The following TGFB2 variants were observed in gnomAD, a reference collection of about 807,000 sequenced individuals.
The protein encoded by TGFB2 is transforming growth factor beta-2 proprotein.
Under a neutral mutation model 42.7 loss-of-function variants are expected in TGFB2, and 13 were observed. That is an observed-to-expected ratio of 0.30 (90% CI 0.20 to 0.48). The LOEUF is 0.48. Ranked by LOEUF, TGFB2 falls within the 20% of genes least tolerant of loss-of-function variation. The pLI, the probability that TGFB2 is intolerant of heterozygous loss-of-function variation, is 0.99. For synonymous variants in TGFB2, 193 were observed against 193.6 expected (o/e 1.00, Z 0.03); for missense variants, 390 against 517.5 (o/e 0.75, Z 2.39).
chr1:218,394,576 G>A (rs918221108), intron 1 of TGFB2, among the ~76,000 whole-genome samples: 1 of 152,006 alleles, frequency 6.6e-6, no homozygotes, highest in Non-Finnish European at 1.5e-5. Context: ...AGCTGATGCC[G>A]ACACAATTAG....
At chr1:218,363,392 G>A (rs764845790) in intron 1 of TGFB2, 3 of 1,613,834 alleles carry the variant, frequency 1.9e-6, no homozygotes, top group South Asian at 2.2e-5. Context: ...GCTCCAGACA[G>A]TCCCAGGTGC....
intron 1 of TGFB2, among the ~76,000 whole-genome samples, chr1:218,360,027 T>C (rs1657159888): frequency 1.3e-5 from 2 of 152,180 alleles, no homozygotes; most frequent in Admixed American, 1.3e-4. Context: ...CTTGCTAACC[T>C]GTAAGGCATA....
At chr1:218,363,126 G>C (rs930165142) in intron 1 of TGFB2, among the ~76,000 whole-genome samples, 1 of 152,154 alleles carries the variant, frequency 6.6e-6, no homozygotes, top group Admixed American at 6.5e-5. Context: ...GCTGGTTAAG[G>C]GATGCCAGAA....
At chr1:218,436,320 A>T (rs1659971021) in intron 5 of TGFB2, among the ~76,000 whole-genome samples, 173 bp downstream of exon 5, 1 of 152,218 alleles carries the variant, frequency 6.6e-6, no homozygotes, top group Admixed American at 6.5e-5. Context: ...TATATTCATC[A>T]GGTCTTTAGC....
At chr1:218,371,704 G>C (rs1480247626) in intron 1 of TGFB2, among the ~76,000 whole-genome samples, 1 of 152,214 alleles carries the variant, frequency 6.6e-6, no homozygotes, top group Non-Finnish European at 1.5e-5. Flanking sequence ...GTCTGGCAGT[G>C]TCTGATAGAT....
chr1:218,404,249 A>G (rs1331659253), intron 1 of TGFB2, among the ~76,000 whole-genome samples: 2 of 152,038 alleles, frequency 1.3e-5, no homozygotes, highest in Admixed American at 1.3e-4. Flanking sequence ...AGTAGATGGG[A>G]TTACAGGTGC....
chr1:218,408,555 A>G (rs1658990198), intron 2 of TGFB2, among the ~76,000 whole-genome samples: 1 of 152,090 alleles, frequency 6.6e-6, no homozygotes, highest in African/African-American at 2.4e-5. Flanking sequence ...CAGCTATACA[A>G]CTCCTGAAGC....
At chr1:218,386,777 C>A (rs1658151403) in intron 1 of TGFB2, among the ~76,000 whole-genome samples, 1 of 152,196 alleles carries the variant, frequency 6.6e-6, no homozygotes, top group African/African-American at 2.4e-5. Context: ...AGTAGGTGCA[C>A]CCTTTCCTCT....
intron 1 of TGFB2, among the ~76,000 whole-genome samples, chr1:218,362,114 C>A (rs1657231080): frequency 1.3e-5 from 2 of 152,112 alleles, no homozygotes; most frequent in South Asian, 4.1e-4. Flanking sequence ...TGGAAAAAGT[C>A]TTTGTTATCC....
At chr1:218,369,971 G>C (rs913997038) in intron 1 of TGFB2, among the ~76,000 whole-genome samples, 3 of 152,192 alleles carry the variant, frequency 2.0e-5, no homozygotes, top group African/African-American at 7.2e-5. Flanking sequence ...CTTTACACGG[G>C]GATGTTGGTG....
At chr1:218,427,153 A>G (rs1659650517) in intron 2 of TGFB2, among the ~76,000 whole-genome samples, 2 of 152,302 alleles carry the variant, frequency 1.3e-5, no homozygotes, top group South Asian at 4.1e-4. Context: ...TCCTTTAAGT[A>G]TACAAGTCAG....
At chr1:218,351,353 A>G (rs1656862826) in intron 1 of TGFB2, among the ~76,000 whole-genome samples, 1 of 152,218 alleles carries the variant, frequency 6.6e-6, no homozygotes, top group Non-Finnish European at 1.5e-5. Context: ...CGTATCAAAG[A>G]CAGACTTGAA....
chr1:218,432,684 T>G (rs1432713598), intron 2 of TGFB2, among the ~76,000 whole-genome samples: 1 of 152,214 alleles, frequency 6.6e-6, no homozygotes, highest in Non-Finnish European at 1.5e-5. Flanking sequence ...TAGATATTGA[T>G]TCAATTGAGT....
intron 6 of TGFB2, among the ~76,000 whole-genome samples, chr1:218,439,566 G>T (rs373470515): frequency 6.6e-6 from 1 of 151,992 alleles, no homozygotes; most frequent in Non-Finnish European, 1.5e-5. Context: ...GACAAATACG[G>T]CTCCTCTTCC....
At chr1:218,401,827 C>T (rs1409305014) in intron 1 of TGFB2, among the ~76,000 whole-genome samples, 4 of 152,202 alleles carry the variant, frequency 2.6e-5, no homozygotes, top group African/African-American at 9.6e-5. Flanking sequence ...GGGAGCCTGC[C>T]GCGTCCCGAC....
At chr1:218,422,693 A>G (rs1313354831) in intron 2 of TGFB2, among the ~76,000 whole-genome samples, 2 of 152,160 alleles carry the variant, frequency 1.3e-5, no homozygotes, top group African/African-American at 4.8e-5. Flanking sequence ...ATTTCCTGGT[A>G]ACCTATGAAC....
chr1:218,403,448 CT>C (rs138838873), intron 1 of TGFB2, among the ~76,000 whole-genome samples: 56 of 152,288 alleles, frequency 3.7e-4, no homozygotes, highest in African/African-American at 1.2e-3. Flanking sequence ...TTCCTAGCAT[CT>C]TTTTTTCTTC....
At chr1:218,361,865 G>C (rs1311296482) in intron 1 of TGFB2, among the ~76,000 whole-genome samples, 1 of 152,170 alleles carries the variant, frequency 6.6e-6, no homozygotes, top group Non-Finnish European at 1.5e-5. Context: ...CTTATTGGTG[G>C]GAACATATGT....
Position 218,379,487 on chromosome 1 carries a change from C to CTTTTT in TGFB2, c.347-25672_347-25668dup, listed in dbSNP as rs59224313. 2.6e-3 allele frequency among the ~76,000 whole-genome samples: 347 copies of CTTTTT among 133,398 alleles called. 3 individuals carry two copies. The highest frequency in any genetic ancestry group is 9.2e-3 in the East Asian group (41 of 4,436). The allele number at this position is 133,398 out of a possible 152,430, so 87.5% of individuals were successfully genotyped here. A position where few individuals can be genotyped will look rare whatever the true frequency, so the allele number is the denominator to read the frequency against. ...TTTCTTTTTCTTTCTTTCTTTCTTTCTTTTTTTTTTTTTTACTTCTGCGAG... is the reference window on the plus strand; with the variant it reads ...TTTCTTTTTCTTTCTTTCTTTCTTTCTTTTTTTTTTTTTTTTTTTACTTCTGCGAG... On this transcript the variant is annotated intron_variant, in intron 1 of 6. Coordinates refer to ENST00000366930, the MANE Select transcript of TGFB2 (RefSeq NM_003238.6).
Sources: allele counts gnomAD v4.1 joint callset (sites outside exome capture counted in the v4.1 genomes callset), GRCh38; gene constraint gnomAD v4.1.1; transcripts MANE v1.5; gene names NCBI Gene and HGNC (gene_info 2026-07-23, HGNC 2026-07-21).